RCOR1: variants seen among roughly 807,000 people sequenced by gnomAD.
RCOR1 encodes REST corepressor 1, also known as REST corepressor.
Under a neutral mutation model 64.0 loss-of-function variants are expected in RCOR1, and 12 were observed. That is an observed-to-expected ratio of 0.19 (90% CI 0.12 to 0.30). RCOR1 has a LOEUF of 0.30. Ranked by LOEUF, RCOR1 falls within the 10% of genes least tolerant of loss-of-function variation. The pLI is 1.00. For synonymous variants in RCOR1, 279 were observed against 227.2 expected, an observed-to-expected ratio of 1.23 and a Z score of -2.05; for missense variants, 502 against 621.2, an observed-to-expected ratio of 0.81 and a Z score of 2.04.
At chr14:102,615,399 C>T (rs984146558) in intron 2 of RCOR1, among the ~76,000 whole-genome samples, 17 of 151,792 alleles carry the variant, frequency 1.1e-4, no homozygotes, top group Admixed American at 3.9e-4. Context: ...ATCGTGGCCT[C>T]CTGCAGTGCT....
chr14:102,593,403 G>A, intron 2 of RCOR1, 78 bp downstream of exon 2: 1 of 1,394,440 alleles, frequency 7.2e-7, no homozygotes, highest in South Asian at 1.5e-5. Context: ...GGGGGCGGGA[G>A]CCCGCCGACA....
At chr14:102,725,310 A>G (rs1201007846) in intron 11 of RCOR1, among the ~76,000 whole-genome samples, 3 of 152,224 alleles carry the variant, frequency 2.0e-5, no homozygotes, top group African/African-American at 7.2e-5. Flanking sequence ...TTCTCCAGCA[A>G]TGAGATGCCA....
chr14:102,670,214 A>C (rs558248666), intron 2 of RCOR1, among the ~76,000 whole-genome samples: 3 of 152,184 alleles, frequency 2.0e-5, no homozygotes, highest in Non-Finnish European at 4.4e-5. Flanking sequence ...GCCTCTCCCA[A>C]AGTGCTGGGG....
At chr14:102,691,659 A>G (rs1313245445) in intron 3 of RCOR1, among the ~76,000 whole-genome samples, 1 of 152,242 alleles carries the variant, frequency 6.6e-6, no homozygotes, top group Non-Finnish European at 1.5e-5. Context: ...CTCTAGAACT[A>G]GCTAAAATGG....
intron 3 of RCOR1, among the ~76,000 whole-genome samples, chr14:102,699,598 CT>C (rs1895715298): frequency 6.6e-6 from 1 of 152,124 alleles, no homozygotes; most frequent in Non-Finnish European, 1.5e-5. Flanking sequence ...TAGGACTCCT[CT>C]GTTTACTCTT....
chr14:102,678,771 T>C (rs991892734), intron 2 of RCOR1, among the ~76,000 whole-genome samples: 2 of 152,202 alleles, frequency 1.3e-5, no homozygotes, highest in African/African-American at 4.8e-5. Flanking sequence ...TTTCAGTTGT[T>C]CCCATTCTTG....
intron 2 of RCOR1, among the ~76,000 whole-genome samples, chr14:102,679,068 C>A (rs1202090953): frequency 6.6e-6 from 1 of 152,110 alleles, no homozygotes; most frequent in Non-Finnish European, 1.5e-5. Flanking sequence ...TTCTTACAGT[C>A]CGTAGTGTAT....
chr14:102,656,227 C>G (rs1424995304), intron 2 of RCOR1: 1 of 466,252 alleles, frequency 2.1e-6, no homozygotes. Context: ...GCAACCTCCA[C>G]CTCCCGGGTT....
chr14:102,710,498 A>AT (rs1555467692), intron 6 of RCOR1, among the ~76,000 whole-genome samples: 2 of 152,098 alleles, frequency 1.3e-5, no homozygotes, highest in Admixed American at 1.3e-4. Flanking sequence ...TTGGAAAAGG[A>AT]TTTTTTTACT....
At chr14:102,621,243 A>G (rs1328904396) in intron 2 of RCOR1, among the ~76,000 whole-genome samples, 1 of 151,392 alleles carries the variant, frequency 6.6e-6, no homozygotes, top group Non-Finnish European at 1.5e-5. Flanking sequence ...GTATGCTGGG[A>G]TTACAGGCAC....
intron 2 of RCOR1, among the ~76,000 whole-genome samples, chr14:102,658,330 GAGACCAGGC>G (rs1894766879): frequency 6.6e-6 from 1 of 151,940 alleles, no homozygotes; most frequent in Non-Finnish European, 1.5e-5. Flanking sequence ...CCATATGTGT[GAGACCAGGC>G]ACGGTGGCTC....
At chr14:102,596,629 A>G (rs778724253) in intron 2 of RCOR1, among the ~76,000 whole-genome samples, 2 of 151,838 alleles carry the variant, frequency 1.3e-5, no homozygotes, top group Non-Finnish European at 2.9e-5. Context: ...CAGTGGCACG[A>G]TCTTGGCTCA....
intron 2 of RCOR1, among the ~76,000 whole-genome samples, chr14:102,630,492 C>G (rs1044362492): frequency 2.6e-5 from 4 of 152,312 alleles, no homozygotes; most frequent in African/African-American, 9.6e-5. Flanking sequence ...AAAGTATCTG[C>G]TTAGCATGTA....
intron 2 of RCOR1, among the ~76,000 whole-genome samples, chr14:102,622,529 T>C (rs1893895235): frequency 6.6e-6 from 1 of 152,192 alleles, no homozygotes; most frequent in Admixed American, 6.5e-5. Flanking sequence ...TTTTCTTTTC[T>C]GATCCTGTTT....
chr14:102,599,922 G>A (rs1277103161), intron 2 of RCOR1, among the ~76,000 whole-genome samples: 3 of 151,052 alleles, frequency 2.0e-5, no homozygotes, highest in Non-Finnish European at 4.4e-5. Flanking sequence ...TCCCCCCTCA[G>A]CCTCATCAGT....
chr14:102,623,948 A>G (rs1893926687), intron 2 of RCOR1, among the ~76,000 whole-genome samples: 1 of 150,604 alleles, frequency 6.6e-6, no homozygotes. Flanking sequence ...AGTCCCAGCT[A>G]CTTGGGAGGC....
chr14:102,609,039 T>TAAATTAAAA (rs1194716306), intron 2 of RCOR1, among the ~76,000 whole-genome samples: 1 of 150,616 alleles, frequency 6.6e-6, no homozygotes, highest in African/African-American at 2.4e-5. Flanking sequence ...TTTTTTTTTT[T>TAAATTAAAA]TTTTTTTTTT....
At chr14:102,644,404 AGTGTAAGGGGTCCCT>A (rs1238487199) in intron 2 of RCOR1, among the ~76,000 whole-genome samples, 1 of 152,198 alleles carries the variant, frequency 6.6e-6, no homozygotes, top group East Asian at 1.9e-4. Context: ...TTGCAGTCAG[AGTGTAAGGGGTCCCT>A]GTGGGATGAC....
chr14:102,703,537 G>A (rs1366040398), intron 4 of RCOR1, among the ~76,000 whole-genome samples: 2 of 152,180 alleles, frequency 1.3e-5, no homozygotes, highest in Non-Finnish European at 2.9e-5. Context: ...GAAGCCAGAG[G>A]CAATGGTCTG....
Sources: gnomAD v4.1 joint callset for allele counts (sites outside exome capture counted in the v4.1 genomes callset) on GRCh38, gnomAD v4.1.1 for gene constraint, MANE v1.5 for transcripts, NCBI Gene and HGNC (gene_info 2026-07-23, HGNC 2026-07-21) for gene names.